Variants in PRAC2 observed in about 807,000 individuals in gnomAD.
PRAC2 encodes the protein protein PRAC2.
For missense variants in PRAC2, 92 were observed against 114.5 expected (o/e 0.80, Z 0.90); for synonymous variants, 43 against 49.5 (o/e 0.87, Z 0.55).
At chr17:48,723,615 C>A in intron 1 of PRAC2, 1 of 926,144 alleles carries the variant, frequency 1.1e-6, no homozygotes, top group Middle Eastern at 3.8e-4. Flanking sequence ...GAGTAGGGAT[C>A]GCCTGCAGGG....
At chr17:48,722,032 T>C, upstream of PRAC2, 1 of 1,039,206 alleles carries the variant, frequency 9.6e-7, no homozygotes, top group Non-Finnish European at 1.4e-6. Flanking sequence ...CGGGTGCTAG[T>C]TCCCACTCCC....
chr17:48,721,858 A>T (rs1180191657), upstream of PRAC2: 1 of 1,540,780 alleles, frequency 6.5e-7, no homozygotes, highest in East Asian at 2.5e-5. Context: ...CTGAGCCATC[A>T]CTCCTGGTCT....
upstream of PRAC2, among the ~76,000 whole-genome samples, chr17:48,722,151 G>A (rs79275384): frequency 6.6e-6 from 1 of 152,024 alleles, no homozygotes; most frequent in South Asian, 2.1e-4. Flanking sequence ...GCGAGTAGGT[G>A]CTCCCGCCAG....
At chr17:48,719,564 C>A (rs1375083094), upstream of PRAC2, among the ~76,000 whole-genome samples, 1 of 152,220 alleles carries the variant, frequency 6.6e-6, no homozygotes, top group African/African-American at 2.4e-5. Context: ...TCGTTACGAC[C>A]GACTCGAACA....
chr17:48,722,284 G>T, upstream of PRAC2: 1 of 1,570,432 alleles, frequency 6.4e-7, no homozygotes, highest in East Asian at 2.2e-5. Context: ...TGAGCGATCC[G>T]TCGATAACGC....
At chr17:48,722,037 A>G, upstream of PRAC2, 2 of 1,004,178 alleles carry the variant, frequency 2.0e-6, no homozygotes, top group South Asian at 3.8e-5. Flanking sequence ...GCTAGTTCCC[A>G]CTCCCAAGCC....
upstream of PRAC2, among the ~76,000 whole-genome samples, chr17:48,720,107 C>T (rs1259773457): frequency 6.6e-6 from 1 of 152,172 alleles, no homozygotes; most frequent in Non-Finnish European, 1.5e-5. Context: ...AGGATGGGTA[C>T]GGACCCCGCA....
Position 48,724,417 on chromosome 17 carries a change from A to G in PRAC2, c.7A>G (p.Arg3Gly). Residue 3 changes from arginine to glycine, a missense_variant, in exon 2 of 2, where the codon AGA becomes GGA. By Grantham distance (125) the Arg-to-Gly change is moderately radical. Transcript: ENST00000422730. ...CGAGGAAGATAAAGAAGACATGGAC[A>G]GAAGGCGGATGGCTCTGCGGCCTGG... MDRRRMALRPGSR... is the reference protein window; with the variant it reads MDGRRMALRPGSR... 8.1e-7 allele frequency: 1 copy of G among 1,234,380 alleles called. No individual in the cohort carries two copies. Among genetic ancestry groups the G allele is most frequent in the Non-Finnish European group, 1.0e-6 (1 of 988,152 alleles). The allele number at this position is 1,234,380 out of a possible 1,614,324, so 76.5% of individuals were successfully genotyped here. A position where few individuals can be genotyped will look rare whatever the true frequency, so the allele number is the denominator to read the frequency against.
upstream of PRAC2, chr17:48,721,933 TA>T: frequency 6.7e-7 from 1 of 1,484,590 alleles, no homozygotes; most frequent in Non-Finnish European, 9.0e-7. Flanking sequence ...AAATTTTAAA[TA>T]ATAATAACGT....
chr17:48,722,508 G>A (rs973650072), upstream of PRAC2: 11 of 849,596 alleles, frequency 1.3e-5, no homozygotes, highest in Non-Finnish European at 2.0e-5. Flanking sequence ...CCTTAGGCTA[G>A]GAGAGGAAGG....
upstream of PRAC2, chr17:48,722,579 A>G: frequency 1.7e-6 from 1 of 584,890 alleles, no homozygotes; most frequent in Non-Finnish European, 3.1e-6. Context: ...CTCAGTAAGA[A>G]GGCCTGCGGT....
chr17:48,719,072 C>T (rs1215329832), upstream of PRAC2, among the ~76,000 whole-genome samples: 1 of 152,102 alleles, frequency 6.6e-6, no homozygotes, highest in Non-Finnish European at 1.5e-5. Context: ...GGCCCCTGCG[C>T]CTCCCCGCGC....
At chr17:48,721,352 G>A (rs1194893932), upstream of PRAC2, among the ~76,000 whole-genome samples, 7 of 152,144 alleles carry the variant, frequency 4.6e-5, no homozygotes, top group Admixed American at 4.6e-4. Flanking sequence ...TTGTCACAGA[G>A]TCTCACTCTG....
chr17:48,719,848 A>C (rs1270875404), upstream of PRAC2, among the ~76,000 whole-genome samples: 1 of 152,046 alleles, frequency 6.6e-6, no homozygotes, highest in East Asian at 1.9e-4. Context: ...AAGCCGCGCG[A>C]GGCCCGGTTT....
upstream of PRAC2, chr17:48,722,633 G>C (rs2038158155): frequency 3.8e-6 from 2 of 523,350 alleles, no homozygotes; most frequent in Admixed American, 6.4e-5. Context: ...GCGAAAGCTG[G>C]AGTGTCTCCT....
upstream of PRAC2, chr17:48,721,940 A>G (rs1251920563): frequency 6.1e-6 from 9 of 1,472,718 alleles, no homozygotes; most frequent in Non-Finnish European, 8.1e-6. Flanking sequence ...AAATAATAAT[A>G]ACGTTATCAA....
At chr17:48,721,729 T>A (rs557897959), upstream of PRAC2, 55 of 1,346,548 alleles carry the variant, frequency 4.1e-5, no homozygotes, top group East Asian at 1.2e-4. Context: ...TTTCCTTTTT[T>A]AAAAAAATTT....
chr17:48,723,835 T>G lies in PRAC2; in HGVS notation c.-83-493T>G. ...CTTCTGGAGGCCTAATAAAATCCAC[T>G]TGCTTTGGAGTTAGAAATTATTTCG... On this transcript the variant is annotated intron_variant, in intron 1 of 1. Transcript: ENST00000422730. 4.4e-6 allele frequency: 5 copies of G among 1,148,918 alleles called. No homozygotes were observed. In the South Asian group the frequency reaches 2.2e-4, roughly 51 times the overall value. 71.2% of individuals were successfully genotyped at this position (1,148,918 alleles called of 1,614,324 possible). A position where few individuals can be genotyped will look rare whatever the true frequency, so the allele number is the denominator to read the frequency against.
At chr17:48,722,547 C>T (rs2038157443), upstream of PRAC2, 1 of 656,596 alleles carries the variant, frequency 1.5e-6, no homozygotes, top group East Asian at 2.7e-5. Flanking sequence ...GTGCCCCTCT[C>T]CCTGTAGAGT....
Sources: gnomAD v4.1 joint callset for allele counts (sites outside exome capture counted in the v4.1 genomes callset) on GRCh38, gnomAD v4.1.1 for gene constraint, MANE v1.5 for transcripts, NCBI Gene and HGNC (gene_info 2026-07-23, HGNC 2026-07-21) for gene names.